IFI44: variants seen among roughly 807,000 people sequenced by gnomAD.
IFI44 encodes interferon-induced protein 44.
IFI44 carries 42 observed loss-of-function variants against 45.0 expected under a neutral mutation model. The ratio of observed to expected loss-of-function variants is 0.93; its 90% CI spans 0.73 to 1.21. IFI44 has a LOEUF of 1.21. Among genes scored for constraint, IFI44 ranks in the 50% most tolerant of loss-of-function variants. The pLI is 0.00. For synonymous variants in IFI44, 221 were observed against 188.6 expected, an observed-to-expected ratio of 1.17 and a Z score of -1.41; for missense variants, 623 against 525.8, an observed-to-expected ratio of 1.18 and a Z score of -1.81.
chr1:78,662,650 A>T, intron 7 of IFI44, 54 bp from the exon 8 acceptor site: 2 of 1,376,332 alleles, frequency 1.5e-6, no homozygotes, highest in South Asian at 2.4e-5. Flanking sequence ...TTATACTAAC[A>T]TAAAATAATA....
chr1:78,659,552 G>A (rs909422723), intron 6 of IFI44, 69 bp downstream of exon 6: 9 of 1,262,882 alleles, frequency 7.1e-6, no homozygotes, highest in African/African-American at 1.5e-5. Context: ...ATTTTAGAAT[G>A]CTTTTTGGAC....
Position 78,662,742 on chromosome 1 carries a change from T to G in IFI44, c.1152T>G (p.Ser384=). 5 of 1,613,840 alleles carry G rather than the reference T, an allele frequency of 3.1e-6. No homozygotes were observed. The South Asian group carries it at 3.3e-5, about 11-fold the overall frequency. The change falls in exon 8 of 9, where the codon TCT becomes TCG. Residue 384 remains serine, a synonymous_variant. Transcript: ENST00000370747. ...AAAGAAAACTTGGATTTGCTCTTTCTGACATCTCGGTGGTTAGCAATTATT... is the reference window on the plus strand; with the variant it reads ...AAAGAAAACTTGGATTTGCTCTTTCGGACATCTCGGTGGTTAGCAATTATT... ...EVQRKLGFAL[S]DISVVSNYSS...
chr1:78,662,148 A>T (rs1160946478), intron 7 of IFI44, among the ~76,000 whole-genome samples: 1 of 152,206 alleles, frequency 6.6e-6, no homozygotes, highest in Non-Finnish European at 1.5e-5. Context: ...GAATGCAATG[A>T]TAGCAAGTAT....
At chr1:78,660,899 T>C (rs1647412517) in intron 7 of IFI44, 22 of 473,432 alleles carry the variant, frequency 4.6e-5, no homozygotes, top group South Asian at 4.5e-4. Context: ...ATAGTATTTG[T>C]ATTTGCATAT....
intron 5 of IFI44, 72 bp from the exon 6 acceptor site, chr1:78,659,240 C>T: frequency 1.6e-6 from 2 of 1,227,072 alleles, no homozygotes; most frequent in Non-Finnish European, 2.3e-6. Flanking sequence ...TTCACTTGCA[C>T]AGTGCCTGGT....
intron 2 of IFI44, 86 bp downstream of exon 2, chr1:78,650,738 A>G: frequency 1.1e-6 from 1 of 876,896 alleles, no homozygotes; most frequent in South Asian, 1.9e-5. Flanking sequence ...AGGAAAAATG[A>G]ACTTTTCACT....
chr1:78,659,171 T>C, intron 5 of IFI44, 141 bp from the exon 6 acceptor site: 1 of 639,372 alleles, frequency 1.6e-6, no homozygotes, highest in Non-Finnish European at 2.6e-6. Flanking sequence ...GCCTGTCTTC[T>C]CTACCAAGAT....
At position 78,650,615 on chromosome 1, in the gene IFI44, T is replaced by C; in HGVS notation, c.420T>C (p.Thr140=). ...MENLGLAQNC[T]ISIQDYEVFR... The stretch of plus-strand genomic sequence containing the variant: ...ATCTTGGACTTGCTCAAAATTGTAC[T>C]ATCTCTATTCAGGATTATGAAGTTT... Residue 140 remains threonine, a synonymous_variant, in exon 2 of 9, where the codon ACT becomes ACC. Transcript: ENST00000370747. 1 of 1,607,486 alleles carries C rather than the reference T, an allele frequency of 6.2e-7. No individual in the cohort carries two copies.
Position 78,650,278 on chromosome 1 carries a change from A to G in IFI44, c.83A>G (p.Tyr28Cys), listed in dbSNP as rs374737506. ...HFGGKRLSLLYKGSVHGFRNG... is the reference protein window; with the variant it reads ...HFGGKRLSLLCKGSVHGFRNG... The stretch of plus-strand genomic sequence containing the variant: ...GGAGGGAAGCGGCTTAGCCTTCTCT[A>G]TAAGGGTAGTGTCCATGGATTCCGT... The change falls in exon 2 of 9, where the codon TAT becomes TGT. Residue 28 changes from tyrosine (Y) to cysteine (C), a missense_variant. By Grantham distance (194) the Tyr-to-Cys change is radical. Coordinates refer to ENST00000370747, the MANE Select transcript of IFI44 (RefSeq NM_006417.5). The G allele has an allele frequency of 1.5e-4, 237 of 1,613,970 alleles. No individual in the cohort carries two copies. Among genetic ancestry groups the G allele is most frequent in the Non-Finnish European group, 1.9e-4 (228 of 1,179,984 alleles).
At chr1:78,663,663 T>A in intron 8 of IFI44, 102 bp from the exon 9 acceptor site, 1 of 1,523,584 alleles carries the variant, frequency 6.6e-7, no homozygotes, top group Non-Finnish European at 8.8e-7. Context: ...GTGCTCCTAA[T>A]ATTAGCGTTG....
rs1188012876 is a variant in IFI44, at chr1:78,660,550, A to G, written c.1013-4A>G. 7 of 1,605,870 alleles carry G rather than the reference A, an allele frequency of 4.4e-6. No individual in the cohort carries two copies. The highest frequency in any genetic ancestry group is 5.1e-6 in the Non-Finnish European group (6 of 1,173,460). ...AATGATTTAAAAAATTCTGTTTGGC[A>G]TAGGTGTGGTACATGTGGCTTTGCT... On this transcript the variant is annotated splice_region_variant and splice_polypyrimidine_tract_variant and intron_variant, in intron 6 of 8. Transcript: ENST00000370747.
intron 2 of IFI44, among the ~76,000 whole-genome samples, chr1:78,650,882 A>G (rs1647113429): frequency 6.6e-6 from 1 of 152,246 alleles, no homozygotes; most frequent in Non-Finnish European, 1.5e-5. Context: ...CATTTTAAGT[A>G]CAGTAAATCT....
At chr1:78,660,683 T>G in intron 7 of IFI44, 29 bp downstream of exon 7, 1 of 1,381,400 alleles carries the variant, frequency 7.2e-7, no homozygotes, top group Non-Finnish European at 1.0e-6. Flanking sequence ...CGTAAACACA[T>G]TTTCTGGGGT....
At chr1:78,655,615 T>C (rs1647195459) in intron 5 of IFI44, 104 bp downstream of exon 5, 2 of 1,070,000 alleles carry the variant, frequency 1.9e-6, no homozygotes, top group African/African-American at 1.6e-5. Flanking sequence ...TCAAGATCCT[T>C]TGTCTCTTTT....
chr1:78,662,514 C>A, intron 7 of IFI44, 190 bp from the exon 8 acceptor site: 1 of 555,620 alleles, frequency 1.8e-6, no homozygotes, highest in East Asian at 3.0e-5. Flanking sequence ...TTCCAAATTA[C>A]AATTATCAGT....
intron 1 of IFI44, 124 bp from the exon 2 acceptor site, chr1:78,650,062 T>G: frequency 1.9e-6 from 1 of 521,088 alleles, no homozygotes; most frequent in Non-Finnish European, 3.1e-6. Context: ...TGCTTTCTGT[T>G]CATCCTTTGT....
At chr1:78,655,784 T>C (rs1647198006) in intron 5 of IFI44, among the ~76,000 whole-genome samples, 1 of 152,094 alleles carries the variant, frequency 6.6e-6, no homozygotes, top group Non-Finnish European at 1.5e-5. Flanking sequence ...TAAGAGGAAG[T>C]CTGAAGGCAG....
In IFI44 at chr1:78,654,122, C is replaced by T. The variant is rs1209601109; in HGVS notation, c.458-121C>T. The stretch of plus-strand genomic sequence containing the variant: ...ATTGCTCCCTTTTCACCATACGGGA[C>T]CATTCTCATGGAAAGGCTATTTTTG... On this transcript the variant is annotated intron_variant, in intron 2 of 8. Coordinates refer to ENST00000370747, the MANE Select transcript of IFI44 (RefSeq NM_006417.5). The T allele has an allele frequency of 1.3e-5, 9 of 695,350 alleles. No individual in the cohort carries two copies. The East Asian group carries it at 2.4e-4, about 18-fold the overall frequency. The allele number at this position is 695,350 out of a possible 1,614,324, so 43.1% of individuals were successfully genotyped here. A position where few individuals can be genotyped will look rare whatever the true frequency, so the allele number is the denominator to read the frequency against.
intron 2 of IFI44, among the ~76,000 whole-genome samples, chr1:78,653,491 G>A (rs1034360885): frequency 2.6e-5 from 4 of 152,118 alleles, no homozygotes; most frequent in African/African-American, 9.7e-5. Flanking sequence ...ATATAGCCAT[G>A]TTTATAAATG....
Sources: gnomAD v4.1 joint callset for allele counts (sites outside exome capture counted in the v4.1 genomes callset) on GRCh38, gnomAD v4.1.1 for gene constraint, MANE v1.5 for transcripts, NCBI Gene and HGNC (gene_info 2026-07-23, HGNC 2026-07-21) for gene names.